ANXA8: variants seen among roughly 807,000 people sequenced by gnomAD.
The protein encoded by ANXA8 is VAC-beta.
Under a neutral mutation model 26.8 loss-of-function variants are expected in ANXA8, and 9 were observed. The observed-to-expected ratio is 0.34, with a 90% confidence interval of 0.20 to 0.59. ANXA8 has a LOEUF of 0.59. Ranked by LOEUF, ANXA8 falls within the 20% of genes least tolerant of loss-of-function variation. The probability of loss-of-function intolerance (pLI) is 0.84; values close to 1 mark genes in which losing one functional copy is unlikely to be tolerated. For missense variants in ANXA8, 83 were observed against 238.5 expected (o/e 0.35, Z 4.29); for synonymous variants, 39 against 94.8 (o/e 0.41, Z 3.42).
the ANXA8 span, among the ~76,000 whole-genome samples, chr10:47,972,407 T>A: frequency 1.5e-5 from 2 of 129,528 alleles, no homozygotes; most frequent in African/African-American, 6.1e-5. Flanking sequence ...CTGGGCTCAA[T>A]CTTCAAAGGA....
the ANXA8 span, chr10:47,553,359 GGGAGCAA>G: frequency 6.5e-6 from 1 of 152,944 alleles, no homozygotes; most frequent in Non-Finnish European, 1.5e-5. Flanking sequence ...GCCGCTCCTC[GGGAGCAA>G]AGATGACCCG....
At chr10:47,653,431 G>T in the ANXA8 span, among the ~76,000 whole-genome samples, 1 of 151,384 alleles carries the variant, frequency 6.6e-6, no homozygotes, top group Non-Finnish European at 1.5e-5. Flanking sequence ...ATATTTTGGA[G>T]ATAGTTTGAT....
chr10:47,565,027 C>T, the ANXA8 span: 32 of 827,300 alleles, frequency 3.9e-5, 1 homozygote, highest in East Asian at 1.2e-4. Context: ...GTGCCACTAT[C>T]GCCATCGCCT....
chr10:47,764,026 C>T, the ANXA8 span, among the ~76,000 whole-genome samples: 14 of 151,804 alleles, frequency 9.2e-5, 1 homozygote, highest in African/African-American at 3.4e-4. Context: ...GGTCTGGGAG[C>T]CCTCAGGGCC....
At chr10:47,772,006 C>A in the ANXA8 span, among the ~76,000 whole-genome samples, 1 of 151,754 alleles carries the variant, frequency 6.6e-6, no homozygotes, top group East Asian at 1.9e-4. Context: ...TTCATTAGCT[C>A]TAAGATGTCA....
the ANXA8 span, among the ~76,000 whole-genome samples, chr10:47,958,924 G>C: frequency 1.3e-5 from 2 of 150,154 alleles, no homozygotes; most frequent in African/African-American, 5.0e-5. Flanking sequence ...ACTTTAACAC[G>C]TAGGGATTAT....
chr10:47,687,768 A>G, the ANXA8 span, among the ~76,000 whole-genome samples: 1 of 151,864 alleles, frequency 6.6e-6, no homozygotes, highest in Non-Finnish European at 1.5e-5. Flanking sequence ...TGGAATATGT[A>G]GTTATAGCAA....
chr10:47,655,521 G>A, the ANXA8 span, among the ~76,000 whole-genome samples: 1 of 151,024 alleles, frequency 6.6e-6, no homozygotes, highest in Non-Finnish European at 1.5e-5. Flanking sequence ...TTGAGTCTAG[G>A]CTGAATAGGG....
At chr10:47,959,227 C>T in the ANXA8 span, among the ~76,000 whole-genome samples, 5 of 147,116 alleles carry the variant, frequency 3.4e-5, no homozygotes, top group African/African-American at 5.3e-5. Flanking sequence ...CAGATGTACC[C>T]ACCTTTCTCT....
chr10:47,650,059 T>C, the ANXA8 span, among the ~76,000 whole-genome samples: 1 of 149,190 alleles, frequency 6.7e-6, no homozygotes, highest in Non-Finnish European at 1.5e-5. Flanking sequence ...AATACAAAAA[T>C]TAGCTGGGCA....
At chr10:47,663,217 G>A in the ANXA8 span, among the ~76,000 whole-genome samples, 6 of 148,224 alleles carry the variant, frequency 4.0e-5, no homozygotes, top group East Asian at 1.9e-4. Context: ...AAGACACCGC[G>A]TTAATTGTGT....
chr10:47,722,779 C>T, the ANXA8 span, among the ~76,000 whole-genome samples: 20 of 142,224 alleles, frequency 1.4e-4, 1 homozygote, highest in Admixed American at 9.2e-4. Flanking sequence ...TTTAGCTGTG[C>T]GTTGGAGAGT....
chr10:47,941,630 C>T, the ANXA8 span, among the ~76,000 whole-genome samples: 1 of 145,236 alleles, frequency 6.9e-6, no homozygotes, highest in South Asian at 2.1e-4. Context: ...GGGACAGAGA[C>T]TCTGTCTCAA....
At chr10:47,768,154 AC>A in the ANXA8 span, among the ~76,000 whole-genome samples, 1 of 150,166 alleles carries the variant, frequency 6.7e-6, no homozygotes, top group South Asian at 2.1e-4. Context: ...AAGTTTTTTG[AC>A]CCCCCTTAGG....
rs1839198229 is a variant in ANXA8 at position 47,468,889 on chromosome 10, G to T, written c.942C>A (p.Asp314Glu). 6.2e-7 allele frequency: 1 copy of T among 1,611,170 alleles called. No homozygotes were observed. Among genetic ancestry groups the T allele is most frequent in the Non-Finnish European group, 8.5e-7 (1 of 1,179,760 alleles). The change falls in exon 12 of 12, where the codon GAC (aspartate) becomes GAA (glutamate). Residue 314 changes from aspartate to glutamate, a missense_variant. Physicochemically the swap from Asp to Glu is conservative, Grantham distance 45. This residue lies in a region of ANXA8 where 28 missense variants were observed against 37.7 expected (regional missense o/e 0.74). Coordinates refer to ENST00000585281, the MANE Select transcript of ANXA8 (RefSeq NM_001040084.3). ...SSMIMEDTSG[D>E]YKNALLSLVG... ...CCAGGCTCAGCAGGGCGTTCTTGTA[G>T]TCACCGCTGGTGTCTTCCTGTGGGC...
At chr10:47,969,289 T>C in the ANXA8 span, among the ~76,000 whole-genome samples, 1 of 151,478 alleles carries the variant, frequency 6.6e-6, no homozygotes, top group Non-Finnish European at 1.5e-5. Flanking sequence ...GCAGGGTGTA[T>C]TGTACTCCCC....
At chr10:47,897,127 TCACCATGTTGGC>T in the ANXA8 span, among the ~76,000 whole-genome samples, 2 of 100,532 alleles carry the variant, frequency 2.0e-5, no homozygotes, top group African/African-American at 8.2e-5. Context: ...AGACGGGGTT[TCACCATGTTGGC>T]CAGGCTGGTC....
upstream of ANXA8, among the ~76,000 whole-genome samples, chr10:47,488,609 C>A (rs1485837059): frequency 6.8e-6 from 1 of 147,674 alleles, no homozygotes; most frequent in African/African-American, 2.5e-5. Flanking sequence ...TACCTGGAAT[C>A]TATTTTGTTG....
the ANXA8 span, among the ~76,000 whole-genome samples, chr10:47,647,271 TA>T: frequency 6.7e-6 from 1 of 150,342 alleles, no homozygotes; most frequent in Non-Finnish European, 1.5e-5. Context: ...TTTTTATTGA[TA>T]TTTTTTCTTC....
Sources: allele counts gnomAD v4.1 joint callset (sites outside exome capture counted in the v4.1 genomes callset), GRCh38; gene constraint gnomAD v4.1.1; regional missense constraint gnomAD v4.1.1; transcripts MANE v1.5; gene names NCBI Gene and HGNC (gene_info 2026-07-23, HGNC 2026-07-21).